Variants in IMMP2L observed in about 807,000 individuals in gnomAD.
The protein encoded by IMMP2L is mitochondrial inner membrane protease subunit 2.
A neutral mutation model predicts 19.3 loss-of-function variants in IMMP2L; 18 were observed. The ratio of observed to expected loss-of-function variants is 0.93; its 90% confidence interval spans 0.64 to 1.38. The LOEUF (loss-of-function observed/expected upper bound fraction) is 1.38, where lower values mean the gene tolerates loss of function less well. Among genes scored for constraint, IMMP2L ranks in the 40% most tolerant of loss-of-function variants. The probability of loss-of-function intolerance (pLI) is 0.00; values close to 1 mark genes in which losing one functional copy is unlikely to be tolerated. For missense variants in IMMP2L, 233 were observed against 218.2 expected, an observed-to-expected ratio of 1.07 and a Z score of -0.43; for synonymous variants, 76 against 73.0, an observed-to-expected ratio of 1.04 and a Z score of -0.21.
At chr7:111,340,260 T>C (rs1826879460) in intron 3 of IMMP2L, among the ~76,000 whole-genome samples, 1 of 152,064 alleles carries the variant, frequency 6.6e-6, no homozygotes, top group African/African-American at 2.4e-5. Flanking sequence ...CATTTTTTGT[T>C]CTGTTACAGA....
At chr7:111,233,241 A>G (rs186478563) in intron 3 of IMMP2L, among the ~76,000 whole-genome samples, 40 of 152,278 alleles carry the variant, frequency 2.6e-4, no homozygotes, top group African/African-American at 8.9e-4. Flanking sequence ...AATCTCTAAA[A>G]TAATAGTTTA....
chr7:111,347,148 T>C (rs1827652693), intron 3 of IMMP2L, among the ~76,000 whole-genome samples: 1 of 152,038 alleles, frequency 6.6e-6, no homozygotes, highest in Admixed American at 6.6e-5. Flanking sequence ...AAAGGCTGGC[T>C]TGAGGAAGAA....
At chr7:110,867,113 A>C (rs933264583) in intron 5 of IMMP2L, among the ~76,000 whole-genome samples, 2 of 152,076 alleles carry the variant, frequency 1.3e-5, no homozygotes, top group South Asian at 4.2e-4. Context: ...AAAATACCAC[A>C]GACTGGGTGA....
At chr7:111,324,824 C>T (rs1825141625) in intron 3 of IMMP2L, among the ~76,000 whole-genome samples, 1 of 151,720 alleles carries the variant, frequency 6.6e-6, no homozygotes, top group African/African-American at 2.4e-5. Context: ...AAAGTGCAAA[C>T]AATAACACAC....
chr7:111,241,327 C>A (rs1815003359), intron 3 of IMMP2L, among the ~76,000 whole-genome samples: 1 of 151,914 alleles, frequency 6.6e-6, no homozygotes. Context: ...AACACATTCA[C>A]CACTGTCTTC....
At chr7:110,824,583 G>T (rs1803300927) in intron 5 of IMMP2L, among the ~76,000 whole-genome samples, 1 of 151,908 alleles carries the variant, frequency 6.6e-6, no homozygotes, top group Non-Finnish European at 1.5e-5. Flanking sequence ...GCCCAGGCTG[G>T]GCTCAAACTC....
At chr7:111,419,337 G>T (rs1213162680) in intron 3 of IMMP2L, among the ~76,000 whole-genome samples, 1 of 151,598 alleles carries the variant, frequency 6.6e-6, no homozygotes, top group South Asian at 2.1e-4. Context: ...TTTTACTAAA[G>T]ATTTTTTTTA....
chr7:111,216,937 A>G (rs1811985921), intron 3 of IMMP2L, among the ~76,000 whole-genome samples: 1 of 152,118 alleles, frequency 6.6e-6, no homozygotes, highest in Admixed American at 6.5e-5. Flanking sequence ...GAGACATTTT[A>G]TCAAATGCAT....
intron 1 of IMMP2L, among the ~76,000 whole-genome samples, chr7:111,529,336 C>T (rs1235197906): frequency 6.6e-6 from 1 of 152,144 alleles, no homozygotes; most frequent in Non-Finnish European, 1.5e-5. Context: ...TGATGAATTA[C>T]AACAATTTTG....
chr7:111,460,301 T>C (rs1296585695), intron 3 of IMMP2L, among the ~76,000 whole-genome samples: 1 of 152,170 alleles, frequency 6.6e-6, no homozygotes, highest in Non-Finnish European at 1.5e-5. Context: ...ATAAGGAATA[T>C]TTCTTTCACA....
intron 2 of IMMP2L, among the ~76,000 whole-genome samples, chr7:111,513,645 T>C (rs1431455162): frequency 1.3e-5 from 2 of 152,234 alleles, no homozygotes; most frequent in Admixed American, 1.3e-4. Context: ...CAAAGAAATA[T>C]CTTCACTCCC....
intron 3 of IMMP2L, among the ~76,000 whole-genome samples, chr7:111,034,672 T>C (rs1791160247): frequency 6.6e-6 from 1 of 152,120 alleles, no homozygotes; most frequent in African/African-American, 2.4e-5. Context: ...ATTTGTTATT[T>C]TGTATTTTAT....
chr7:110,890,519 T>C (rs934709071), intron 4 of IMMP2L, among the ~76,000 whole-genome samples: 2 of 152,202 alleles, frequency 1.3e-5, no homozygotes, highest in Non-Finnish European at 2.9e-5. Context: ...GCTGGTCCCT[T>C]TTAGGACTGC....
intron 4 of IMMP2L, among the ~76,000 whole-genome samples, chr7:110,956,546 G>T (rs924137120): frequency 6.6e-6 from 1 of 151,886 alleles, no homozygotes; most frequent in Non-Finnish European, 1.5e-5. Context: ...GCAACCATTT[G>T]TTTCTGCTTG....
intron 3 of IMMP2L, among the ~76,000 whole-genome samples, chr7:111,353,798 T>C (rs920162307): frequency 4.6e-5 from 7 of 152,184 alleles, no homozygotes; most frequent in African/African-American, 1.7e-4. Flanking sequence ...ACTATCTTTA[T>C]ACATTTTTAT....
At chr7:111,080,027 A>G (rs567665447) in intron 3 of IMMP2L, among the ~76,000 whole-genome samples, 113 of 70,900 alleles carry the variant, frequency 1.6e-3, no homozygotes, top group African/African-American at 3.1e-3. Context: ...CAAAAAAAAA[A>G]ATGTCATTTC....
intron 1 of IMMP2L, among the ~76,000 whole-genome samples, chr7:111,554,288 G>A (rs544151831): frequency 1.5e-4 from 23 of 152,178 alleles, no homozygotes; most frequent in Non-Finnish European, 3.1e-4. Context: ...ATGCTGATAC[G>A]TCTATATGTA....
intron 3 of IMMP2L, among the ~76,000 whole-genome samples, chr7:110,992,031 G>C (rs1412339883): frequency 6.6e-6 from 1 of 152,030 alleles, no homozygotes; most frequent in Non-Finnish European, 1.5e-5. Flanking sequence ...GTACCTGACA[G>C]TTGTATTTTT....
intron 3 of IMMP2L, among the ~76,000 whole-genome samples, chr7:111,295,917 A>G (rs1375287304): frequency 6.6e-6 from 1 of 151,270 alleles, no homozygotes; most frequent in Non-Finnish European, 1.5e-5. Context: ...CCACTATAAA[A>G]CTTTCGGAAC....
Sources: allele counts gnomAD v4.1 joint callset (sites outside exome capture counted in the v4.1 genomes callset), GRCh38; gene constraint gnomAD v4.1.1; transcripts MANE v1.5; gene names NCBI Gene and HGNC (gene_info 2026-07-23, HGNC 2026-07-21).